GRAMD2A: variants seen among roughly 807,000 people sequenced by gnomAD.
GRAMD2A encodes the protein GRAM domain containing 2A.
In GRAMD2A, 37 loss-of-function variants were observed where a neutral mutation model predicts 51.1. The observed-to-expected ratio is 0.72, with a 90% CI of 0.56 to 0.95. GRAMD2A has a LOEUF of 0.95. Ranked by LOEUF, GRAMD2A falls within the 40% of genes least tolerant of loss-of-function variation. GRAMD2A has a pLI of 0.00. For missense variants in GRAMD2A, 414 were observed against 426.9 expected, an observed-to-expected ratio of 0.97 and a Z score of 0.27; for synonymous variants, 136 against 157.1, an observed-to-expected ratio of 0.87 and a Z score of 1.01.
intron 1 of GRAMD2A, among the ~76,000 whole-genome samples, chr15:72,191,450 G>A (rs2081767315): frequency 6.6e-6 from 1 of 152,108 alleles, no homozygotes; most frequent in South Asian, 2.1e-4. Context: ...TGATCCGCCT[G>A]CCTTGGCCTC....
intron 2 of GRAMD2A, 61 bp from the exon 3 acceptor site, chr15:72,169,057 G>T: frequency 6.8e-7 from 1 of 1,476,624 alleles, no homozygotes; most frequent in Non-Finnish European, 9.5e-7. Flanking sequence ...TGCATCCTCA[G>T]TGCCAATTCT....
intron 5 of GRAMD2A, 94 bp downstream of exon 5, chr15:72,167,642 C>A: frequency 2.1e-6 from 2 of 967,374 alleles, no homozygotes; most frequent in Non-Finnish European, 3.3e-6. Context: ...GGGCCCAGCA[C>A]GCAGAGAGAT....
Position 72,169,871 on chromosome 15 carries a change from C to T in GRAMD2A, c.110G>A (p.Arg37Lys). The change falls in exon 2 of 12, where the codon AGA becomes AAA. Residue 37 changes from arginine to lysine, a missense_variant. Coordinates refer to ENST00000309731, the MANE Select transcript of GRAMD2A (RefSeq NM_001012642.3). ...SPVSCKEKPD[R>K]VEEPPDYSLH... Reference sequence around the variant, plus strand: ...CCTGTAGTCCGGGGGCTCCTCAACTCTGTCTGGTTTCTCTTTGCAGGACAC... The same window carrying T: ...CCTGTAGTCCGGGGGCTCCTCAACTTTGTCTGGTTTCTCTTTGCAGGACAC... The T allele has an allele frequency of 6.2e-7, 1 of 1,614,140 alleles. No individual in the cohort carries two copies. Among genetic ancestry groups the T allele is most frequent in the South Asian group, 1.1e-5 (1 of 91,082 alleles).
At chr15:72,162,444 G>A (rs930854378) in intron 10 of GRAMD2A, 67 bp from the exon 11 acceptor site, 19 of 1,184,014 alleles carry the variant, frequency 1.6e-5, no homozygotes, top group East Asian at 2.4e-5. Flanking sequence ...GAAGTTCACC[G>A]GAAATAGTGG....
rs1358577290 is a variant in GRAMD2A at position 72,160,359 on chromosome 15, C to CCATT, written c.*1646_*1649dup. The CCATT allele has an allele frequency of 1.3e-5, 2 of 149,938 alleles. No individual in the cohort carries two copies. Among genetic ancestry groups the CCATT allele is most frequent in the African/African-American group, 4.9e-5 (2 of 40,648 alleles). 9.3% of individuals were successfully genotyped at this position (149,938 alleles called of 1,614,324 possible). ...AAAAAAAAAAAAAAAAAAAGGATGA[C>CCATT]CATTCATGGAACAGTGAGTTTCACC... On this transcript the variant is annotated 3_prime_UTR_variant, in exon 12 of 12. Coordinates refer to ENST00000309731, the MANE Select transcript of GRAMD2A (RefSeq NM_001012642.3).
intron 1 of GRAMD2A, among the ~76,000 whole-genome samples, chr15:72,183,202 A>G (rs1293932615): frequency 6.7e-6 from 1 of 149,174 alleles, no homozygotes; most frequent in Non-Finnish European, 1.5e-5. Context: ...TTTTTTTCTT[A>G]ACTACAATTT....
At chr15:72,175,767 C>T (rs1245428397) in intron 1 of GRAMD2A, 1 of 152,328 alleles carries the variant, frequency 6.6e-6, no homozygotes, top group African/African-American at 2.4e-5. Flanking sequence ...CTCTGAGCTC[C>T]AGCAAGGGCG....
At chr15:72,197,325 G>A (rs920997253) in intron 1 of GRAMD2A, among the ~76,000 whole-genome samples, 1 of 152,232 alleles carries the variant, frequency 6.6e-6, no homozygotes, top group African/African-American at 2.4e-5. Context: ...TTTGGGTCGG[G>A]GGCAATTAGG....
chr15:72,195,791 A>C lies in GRAMD2A; in HGVS notation c.41+1940T>G, dbSNP rs909764019. ...CAAAATTAGCCGGGTGTGGTGGCGC[A>C]TGCCTGTAATCCCACCTACTCGGGA... On this transcript the variant is annotated intron_variant, in intron 1 of 11. Coordinates refer to ENST00000309731, the MANE Select transcript of GRAMD2A (RefSeq NM_001012642.3). 2.6e-5 allele frequency among the ~76,000 whole-genome samples: 4 copies of C among 151,818 alleles called. No individual in the cohort carries two copies. The East Asian group carries it at 5.8e-4, about 22-fold the overall frequency.
At chr15:72,188,614 C>A (rs2081748937) in intron 1 of GRAMD2A, among the ~76,000 whole-genome samples, 1 of 152,086 alleles carries the variant, frequency 6.6e-6, no homozygotes, top group Non-Finnish European at 1.5e-5. Context: ...TAACATTTTC[C>A]TCCACGAATT....
intron 1 of GRAMD2A, among the ~76,000 whole-genome samples, chr15:72,182,123 G>A (rs927667246): frequency 6.6e-5 from 10 of 152,140 alleles, no homozygotes; most frequent in African/African-American, 2.4e-5. Flanking sequence ...CCAACACTTT[G>A]GGAGGCCGAG....
intron 1 of GRAMD2A, among the ~76,000 whole-genome samples, chr15:72,189,794 A>G (rs1442985812): frequency 2.0e-5 from 3 of 152,240 alleles, no homozygotes; most frequent in African/African-American, 7.2e-5. Flanking sequence ...GCTCAGAGCC[A>G]GTAGAAACTC....
At chr15:72,185,425 C>T (rs1488815928) in intron 1 of GRAMD2A, among the ~76,000 whole-genome samples, 1 of 152,170 alleles carries the variant, frequency 6.6e-6, no homozygotes, top group African/African-American at 2.4e-5. Flanking sequence ...AACTCCCAAC[C>T]TCAGGTGATC....
In GRAMD2A at chr15:72,192,581, C is replaced by T. The variant is rs961764902; in HGVS notation, c.41+5150G>A. ...GTTGTTTGGTCAGGCATACTGCCCA[C>T]GCTGCTGTGCGGTGGGTAAGGCAAT... On this transcript the variant is annotated intron_variant, in intron 1 of 11. Transcript: ENST00000309731. Among the ~76,000 whole-genome samples, 6 of 152,304 alleles carry T rather than the reference C, an allele frequency of 3.9e-5. No individual in the cohort carries two copies. In the South Asian group the frequency reaches 6.2e-4, roughly 16 times the overall value.
Position 72,168,549 on chromosome 15 carries a change from GTATTTATTCAGTGT to G in GRAMD2A, c.196_209del (p.Thr66GlnfsTer9). On this transcript the variant is annotated frameshift_variant, in exon 4 of 12. Coordinates refer to ENST00000309731, the MANE Select transcript of GRAMD2A (RefSeq NM_001012642.3). LOFTEE classifies it high-confidence loss of function. ...TAAACAGCTTGTGGTATTGCTGGTT[GTATTTATTCAGTGT>G]TATCTGCAAACACACAGGCTGCGTC... 6.2e-7 allele frequency: 1 copy of G among 1,613,712 alleles called. No individual in the cohort carries two copies. The highest frequency in any genetic ancestry group is 8.5e-7 in the Non-Finnish European group (1 of 1,179,744).
intron 1 of GRAMD2A, among the ~76,000 whole-genome samples, chr15:72,194,926 G>C (rs945098292): frequency 6.6e-6 from 1 of 152,148 alleles, no homozygotes; most frequent in East Asian, 1.9e-4. Flanking sequence ...GACCTCAGGG[G>C]ATCCACCTGT....
At chr15:72,185,630 A>G (rs755923131) in intron 1 of GRAMD2A, among the ~76,000 whole-genome samples, 79 of 152,276 alleles carry the variant, frequency 5.2e-4, no homozygotes, top group Non-Finnish European at 9.7e-4. Flanking sequence ...GCTTTGCCTT[A>G]CCAGATGTCA....
Position 72,161,459 on chromosome 15 carries a change from T to C in GRAMD2A, c.*550A>G, listed in dbSNP as rs541159733. On this transcript the variant is annotated 3_prime_UTR_variant, in exon 12 of 12. Transcript: ENST00000309731. ...CCCTCCCCTCTGCATTCACAGATTC[T>C]CAGCAGGCCCCTGCCCAAGCCTGAC... The C allele has an allele frequency of 5.1e-4, 80 of 155,470 alleles. No homozygotes were observed. Among genetic ancestry groups the C allele is most frequent in the Middle Eastern group, 3.4e-3 (1 of 296 alleles). 9.6% of individuals were successfully genotyped at this position (155,470 alleles called of 1,614,324 possible).
Position 72,163,273 on chromosome 15 carries a change from AG to A in GRAMD2A, c.948del (p.Phe317LeufsTer3), listed in dbSNP as rs780562252. ...RLWDYRLLKV[F>X]FVLICFLVMS... ...CCCAGTATAGTCACTTACAGCACAA[AG>A]AAGACCTTGAGGAGCCGGTAATCCC... On this transcript the variant is annotated frameshift_variant, in exon 10 of 12. Coordinates refer to ENST00000309731, the MANE Select transcript of GRAMD2A (RefSeq NM_001012642.3). LOFTEE classifies it high-confidence loss of function. 2 of 1,613,086 alleles carry A rather than the reference AG, an allele frequency of 1.2e-6. No homozygotes were observed. The highest frequency in any genetic ancestry group is 1.7e-6 in the Non-Finnish European group (2 of 1,179,170).
Sources: allele counts gnomAD v4.1 joint callset (sites outside exome capture counted in the v4.1 genomes callset), GRCh38; gene constraint gnomAD v4.1.1; transcripts MANE v1.5; gene names NCBI Gene and HGNC (gene_info 2026-07-23, HGNC 2026-07-21).